The following CFAP300 variants were observed in gnomAD, a reference collection of about 807,000 sequenced individuals.
CFAP300 encodes the protein cilia- and flagella-associated protein 300.
In CFAP300, 32 loss-of-function variants were observed where a neutral mutation model predicts 33.0. That is an observed-to-expected ratio of 0.97 (90% confidence interval 0.73 to 1.30). CFAP300 has a LOEUF of 1.30. Among genes scored for constraint, CFAP300 ranks in the 50% most tolerant of loss-of-function variants. The pLI, the probability that CFAP300 is intolerant of heterozygous loss-of-function variation, is 0.00. For missense variants in CFAP300, 356 were observed against 318.1 expected (o/e 1.12, Z -0.90); for synonymous variants, 102 against 106.8 (o/e 0.95, Z 0.28).
chr11:102,050,200 G>T (rs1036247757), intron 2 of CFAP300, among the ~76,000 whole-genome samples: 1 of 152,152 alleles, frequency 6.6e-6, no homozygotes, highest in East Asian at 1.9e-4. Context: ...AGTGTGCACA[G>T]ATTCAGCTGT....
Position 102,075,882 on chromosome 11 carries a change from G to T in CFAP300, c.445G>T (p.Val149Leu). ...ISDELRRVLL[V>L]EDSEKYEIFS... ...AATTTTATCGTCTTAGGTTTTGCTA[G>T]TGGAAGACTCAGAAAAATATGAAAT... Residue 149 changes from valine to leucine, a missense_variant, in exon 5 of 7, where the codon GTG (valine) becomes TTG (leucine). Coordinates refer to ENST00000434758, the MANE Select transcript of CFAP300 (RefSeq NM_032930.3). 6.2e-7 allele frequency: 1 copy of T among 1,609,792 alleles called. No individual in the cohort carries two copies. Among genetic ancestry groups the T allele is most frequent in the Non-Finnish European group, 8.5e-7 (1 of 1,178,350 alleles).
chr11:102,047,591 G>A lies in CFAP300; in HGVS notation c.110+11G>A. On this transcript the variant is annotated intron_variant, in intron 1 of 6. Coordinates refer to ENST00000434758, the MANE Select transcript of CFAP300 (RefSeq NM_032930.3). ...CCGGCTCCGCCAGTGGTGAGGAACC[G>A]AGGCACAGGGAGAGAAGAGGCCCTT... 6.5e-7 allele frequency: 1 copy of A among 1,534,100 alleles called. No individual in the cohort carries two copies. Among genetic ancestry groups the A allele is most frequent in the Non-Finnish European group, 8.7e-7 (1 of 1,145,040 alleles).
intron 2 of CFAP300, among the ~76,000 whole-genome samples, chr11:102,050,816 C>A (rs573714503): frequency 8.5e-5 from 13 of 152,142 alleles, no homozygotes; most frequent in African/African-American, 3.1e-4. Flanking sequence ...TTTAGAAGAC[C>A]TTTTGTGCCA....
chr11:102,057,447 G>GTT (rs11354639), intron 2 of CFAP300, among the ~76,000 whole-genome samples: 1 of 149,614 alleles, frequency 6.7e-6, no homozygotes, highest in Admixed American at 6.6e-5. Context: ...CTTACAGTTA[G>GTT]TTTTTTTTTT....
At chr11:102,055,898 T>C (rs551396890) in intron 2 of CFAP300, among the ~76,000 whole-genome samples, 2 of 152,168 alleles carry the variant, frequency 1.3e-5, no homozygotes, top group African/African-American at 2.4e-5. Context: ...CTCAATCTCC[T>C]GACCCTGTGA....
At chr11:102,055,728 A>C (rs1229679159) in intron 2 of CFAP300, among the ~76,000 whole-genome samples, 2 of 137,310 alleles carry the variant, frequency 1.5e-5, no homozygotes, top group Non-Finnish European at 3.0e-5. Flanking sequence ...GCTGGAGTGC[A>C]GTGGCACGAT....
intron 4 of CFAP300, among the ~76,000 whole-genome samples, chr11:102,074,666 T>C (rs2135045357): frequency 6.6e-6 from 1 of 152,230 alleles, no homozygotes; most frequent in Non-Finnish European, 1.5e-5. Context: ...TTTTGTCCTT[T>C]ATTATTTGGG....
chr11:102,047,623 C>T, intron 1 of CFAP300, 43 bp downstream of exon 1: 19 of 1,521,242 alleles, frequency 1.2e-5, no homozygotes, highest in Non-Finnish European at 1.6e-5. Context: ...CCTTGGTCTT[C>T]GCGGCTGTGG....
intron 3 of CFAP300, among the ~76,000 whole-genome samples, chr11:102,060,821 G>A (rs1017859163): frequency 6.6e-6 from 1 of 152,076 alleles, no homozygotes; most frequent in African/African-American, 2.4e-5. Flanking sequence ...GTTAGACTTA[G>A]TAGGTCAGAT....
intron 4 of CFAP300, among the ~76,000 whole-genome samples, chr11:102,073,457 A>T (rs191826193): frequency 2.1e-4 from 32 of 152,224 alleles, no homozygotes; most frequent in Admixed American, 2.0e-3. Flanking sequence ...TGGATGGGGG[A>T]CAGTGCCAGG....
At chr11:102,058,259 A>G (rs1279511573) in intron 2 of CFAP300, among the ~76,000 whole-genome samples, 1 of 152,000 alleles carries the variant, frequency 6.6e-6, no homozygotes, top group Admixed American at 6.6e-5. Context: ...TGCTGGTGCC[A>G]AGAACTAAAG....
chr11:102,078,108 G>T (rs910036501), intron 5 of CFAP300, among the ~76,000 whole-genome samples: 2 of 152,044 alleles, frequency 1.3e-5, no homozygotes, highest in African/African-American at 2.4e-5. Context: ...ACCCAGGCTG[G>T]TCTCAAACTT....
chr11:102,053,417 G>A (rs1192851084), intron 2 of CFAP300, among the ~76,000 whole-genome samples: 1 of 152,034 alleles, frequency 6.6e-6, no homozygotes, highest in Non-Finnish European at 1.5e-5. Flanking sequence ...TGGGCATGGT[G>A]GCGGGTGCCT....
chr11:102,062,722 C>T (rs1942165845), intron 3 of CFAP300, among the ~76,000 whole-genome samples: 1 of 152,064 alleles, frequency 6.6e-6, no homozygotes. Flanking sequence ...TCAACCTATC[C>T]TTATTGTAAA....
chr11:102,052,503 G>A (rs1263600267), intron 2 of CFAP300, among the ~76,000 whole-genome samples: 1 of 152,134 alleles, frequency 6.6e-6, no homozygotes, highest in Non-Finnish European at 1.5e-5. Flanking sequence ...AAGCATATAT[G>A]ATACCTTTTT....
intron 6 of CFAP300, 93 bp from the exon 7 acceptor site, chr11:102,082,978 C>T (rs375691301): frequency 1.1e-4 from 72 of 666,562 alleles, no homozygotes; most frequent in African/African-American, 8.0e-4. Flanking sequence ...GCCTGGGCGA[C>T]GGAGCAAGAC....
At chr11:102,081,514 T>C in intron 6 of CFAP300, 1 of 558,398 alleles carries the variant, frequency 1.8e-6, no homozygotes, top group Admixed American at 3.3e-5. Flanking sequence ...TGCCTACTTA[T>C]TTTAGAGCTA....
chr11:102,057,119 C>G (rs1942072145), intron 2 of CFAP300, among the ~76,000 whole-genome samples: 1 of 151,774 alleles, frequency 6.6e-6, no homozygotes, highest in Non-Finnish European at 1.5e-5. Context: ...AGTCAGATCA[C>G]CCAAGGTCAG....
At chr11:102,078,364 G>A (rs1591066442) in intron 5 of CFAP300, among the ~76,000 whole-genome samples, 1 of 152,148 alleles carries the variant, frequency 6.6e-6, no homozygotes, top group Admixed American at 6.5e-5. Context: ...ATATTATGTG[G>A]AAATTATGTT....
Sources: gnomAD v4.1 joint callset for allele counts (sites outside exome capture counted in the v4.1 genomes callset) on GRCh38, gnomAD v4.1.1 for gene constraint, MANE v1.5 for transcripts, NCBI Gene and HGNC (gene_info 2026-07-23, HGNC 2026-07-21) for gene names.